Variants in PEBP4 observed in about 807,000 individuals in gnomAD.
PEBP4 encodes phosphatidylethanolamine binding protein 4.
PEBP4 carries 22 observed loss-of-function variants against 23.9 expected under a neutral mutation model. The ratio of observed to expected loss-of-function variants is 0.92; its 90% CI spans 0.66 to 1.31. PEBP4 has a LOEUF of 1.31. Among genes scored for constraint, PEBP4 ranks in the 40% most tolerant of loss-of-function variants. The pLI, the probability that PEBP4 is intolerant of heterozygous loss-of-function variation, is 0.00. For synonymous variants in PEBP4, 112 were observed against 99.3 expected, an observed-to-expected ratio of 1.13 and a Z score of -0.76; for missense variants, 324 against 281.7, an observed-to-expected ratio of 1.15 and a Z score of -1.07.
chr8:22,863,763 A>G (rs1807828013), intron 3 of PEBP4, among the ~76,000 whole-genome samples: 1 of 152,184 alleles, frequency 6.6e-6, no homozygotes, highest in Non-Finnish European at 1.5e-5. Context: ...AAGAAAAAAG[A>G]GTTCCATCTG....
At chr8:22,888,958 C>CG (rs1179526087) in intron 3 of PEBP4, among the ~76,000 whole-genome samples, 2 of 152,218 alleles carry the variant, frequency 1.3e-5, no homozygotes, top group African/African-American at 4.8e-5. Flanking sequence ...TTCCAGGCTT[C>CG]GGCAAACTCC....
chr8:22,867,927 A>G (rs745497476), intron 3 of PEBP4, among the ~76,000 whole-genome samples: 2 of 152,238 alleles, frequency 1.3e-5, no homozygotes, highest in Non-Finnish European at 2.9e-5. Context: ...ATACTTGTCC[A>G]ATAGGTGATG....
chr8:22,802,954 G>A (rs913890119), intron 4 of PEBP4, among the ~76,000 whole-genome samples: 3 of 152,142 alleles, frequency 2.0e-5, no homozygotes, highest in African/African-American at 4.8e-5. Context: ...CTAGAGCAGC[G>A]TCACCAGCTA....
intron 4 of PEBP4, among the ~76,000 whole-genome samples, chr8:22,734,826 C>T (rs375944000): frequency 2.0e-5 from 3 of 152,050 alleles, no homozygotes; most frequent in Non-Finnish European, 2.9e-5. Flanking sequence ...TATCAATGTG[C>T]GGTTGTGGGA....
intron 3 of PEBP4, among the ~76,000 whole-genome samples, chr8:22,843,881 C>G (rs1323184822): frequency 6.6e-6 from 1 of 152,214 alleles, no homozygotes; most frequent in Non-Finnish European, 1.5e-5. Context: ...CTCCTCTCAT[C>G]TCTCCTCTGA....
intron 4 of PEBP4, among the ~76,000 whole-genome samples, chr8:22,735,456 A>C (rs1804839759): frequency 6.6e-6 from 1 of 152,240 alleles, no homozygotes; most frequent in Non-Finnish European, 1.5e-5. Flanking sequence ...GAAGATTTCA[A>C]ATGACTTGGG....
chr8:22,879,949 T>A (rs1224473113), intron 3 of PEBP4, among the ~76,000 whole-genome samples: 1 of 152,236 alleles, frequency 6.6e-6, no homozygotes, highest in Non-Finnish European at 1.5e-5. Context: ...AAAAGGGTGT[T>A]AAGCACCATT....
intron 2 of PEBP4, chr8:22,925,232 G>A: frequency 1.0e-6 from 1 of 985,436 alleles, no homozygotes. Flanking sequence ...TTCCTGGCAT[G>A]CAACCTTAAG....
chr8:22,780,688 G>A (rs898065968), intron 4 of PEBP4, among the ~76,000 whole-genome samples: 4 of 152,144 alleles, frequency 2.6e-5, no homozygotes, highest in East Asian at 3.9e-4. Flanking sequence ...AAAGGGGTCC[G>A]GATCAGCGGA....
At chr8:22,923,059 C>A (rs887377164) in intron 2 of PEBP4, among the ~76,000 whole-genome samples, 5 of 152,228 alleles carry the variant, frequency 3.3e-5, no homozygotes, top group African/African-American at 1.2e-4. Flanking sequence ...TATCACTATT[C>A]CTATCTCCAG....
chr8:22,850,692 C>T (rs545861821), intron 3 of PEBP4, among the ~76,000 whole-genome samples: 1 of 152,174 alleles, frequency 6.6e-6, no homozygotes, highest in Non-Finnish European at 1.5e-5. Flanking sequence ...GATACTCATC[C>T]TTCCTCCCAA....
At chr8:22,937,975 A>G (rs899341221) in intron 1 of PEBP4, among the ~76,000 whole-genome samples, 2 of 152,210 alleles carry the variant, frequency 1.3e-5, no homozygotes, top group Non-Finnish European at 2.9e-5. Flanking sequence ...TGAAACCACA[A>G]AACTCTTAGA....
At chr8:22,728,604 C>CTTCCTTCCTTCCTTCCTTCCTTCT (rs1804671879) in intron 4 of PEBP4, among the ~76,000 whole-genome samples, 1 of 121,390 alleles carries the variant, frequency 8.2e-6, no homozygotes, top group African/African-American at 2.9e-5. Context: ...TCCTTCCTTC[C>CTTCCTTCCTTCCTTCCTTCCTTCT]TTCCTTCCCT....
intron 6 of PEBP4, among the ~76,000 whole-genome samples, chr8:22,715,343 G>A (rs1316550253): frequency 6.6e-6 from 1 of 152,242 alleles, no homozygotes; most frequent in Non-Finnish European, 1.5e-5. Context: ...GAGCCCAGCT[G>A]GCTGGAAGGA....
At chr8:22,879,931 C>T (rs772828048) in intron 3 of PEBP4, among the ~76,000 whole-genome samples, 6 of 152,198 alleles carry the variant, frequency 3.9e-5, no homozygotes, top group Admixed American at 1.3e-4. Context: ...GGGTATGTTG[C>T]ATTTGGGAAA....
At chr8:22,923,815 C>T (rs187360104) in intron 2 of PEBP4, among the ~76,000 whole-genome samples, 3 of 152,256 alleles carry the variant, frequency 2.0e-5, no homozygotes, top group African/African-American at 7.2e-5. Context: ...TGTGAAGTCG[C>T]AGCAAGAAGG....
intron 3 of PEBP4, among the ~76,000 whole-genome samples, chr8:22,892,382 T>C (rs1415977374): frequency 3.3e-5 from 5 of 152,202 alleles, no homozygotes; most frequent in Non-Finnish European, 5.9e-5. Context: ...GCATAATGCT[T>C]TTCATCTTGC....
chr8:22,796,323 G>A (rs926551384), intron 4 of PEBP4, among the ~76,000 whole-genome samples: 1 of 151,476 alleles, frequency 6.6e-6, no homozygotes, highest in East Asian at 1.9e-4. Flanking sequence ...TTCCCCACTG[G>A]GTTTTGAGTT....
At chr8:22,726,751 G>C (rs1804629293) in intron 5 of PEBP4, among the ~76,000 whole-genome samples, 1 of 152,206 alleles carries the variant, frequency 6.6e-6, no homozygotes, top group African/African-American at 2.4e-5. Flanking sequence ...CGGAACTGCA[G>C]GGCTAAGTTT....
Sources: gnomAD v4.1 joint callset for allele counts (sites outside exome capture counted in the v4.1 genomes callset) on GRCh38, gnomAD v4.1.1 for gene constraint, MANE v1.5 for transcripts, NCBI Gene and HGNC (gene_info 2026-07-23, HGNC 2026-07-21) for gene names.